Variants in SUV39H2 observed in about 807,000 individuals in gnomAD.
SUV39H2 encodes histone-lysine N-methyltransferase SUV39H2.
In SUV39H2, 10 loss-of-function variants were observed where a neutral mutation model predicts 47.5. That is an observed-to-expected ratio of 0.21 (90% CI 0.13 to 0.36). The LOEUF is 0.36. Ranked by LOEUF, SUV39H2 falls within the 10% of genes least tolerant of loss-of-function variation. The pLI is 1.00. For synonymous variants in SUV39H2, 159 were observed against 166.8 expected, an observed-to-expected ratio of 0.95 and a Z score of 0.36; for missense variants, 266 against 487.4, an observed-to-expected ratio of 0.55 and a Z score of 4.28.
chr10:14,894,768 G>A (rs1456211134), intron 2 of SUV39H2, among the ~76,000 whole-genome samples: 1 of 152,174 alleles, frequency 6.6e-6, no homozygotes, highest in Non-Finnish European at 1.5e-5. Flanking sequence ...CCACTCCTGG[G>A]TGGGCGCCTG....
intron 2 of SUV39H2, among the ~76,000 whole-genome samples, chr10:14,892,737 C>T (rs921790638): frequency 1.3e-5 from 2 of 152,092 alleles, no homozygotes; most frequent in Non-Finnish European, 2.9e-5. Flanking sequence ...CCCTAGTGAC[C>T]AAACGTTCAT....
intron 2 of SUV39H2, among the ~76,000 whole-genome samples, chr10:14,883,216 T>A (rs1833094259): frequency 6.6e-6 from 1 of 152,210 alleles, no homozygotes; most frequent in Admixed American, 6.5e-5. Context: ...TCTCTTTTTT[T>A]ACTGATATAT....
At chr10:14,883,017 G>A (rs1159119853) in intron 2 of SUV39H2, among the ~76,000 whole-genome samples, 1 of 151,950 alleles carries the variant, frequency 6.6e-6, no homozygotes, top group Non-Finnish European at 1.5e-5. Flanking sequence ...ACAGGTGCCC[G>A]CCACCATGCC....
intron 2 of SUV39H2, among the ~76,000 whole-genome samples, chr10:14,893,063 C>T (rs1306130503): frequency 2.9e-5 from 4 of 138,918 alleles, no homozygotes; most frequent in African/African-American, 5.5e-5. Context: ...AGTGCAGTGG[C>T]GCAATCTAGG....
intron 4 of SUV39H2, 151 bp downstream of exon 4, chr10:14,899,836 G>A: frequency 1.1e-6 from 1 of 940,092 alleles, no homozygotes; most frequent in Non-Finnish European, 1.5e-6. Flanking sequence ...GTTAAGTTAT[G>A]GTATTATTGC....
intron 2 of SUV39H2, among the ~76,000 whole-genome samples, chr10:14,891,784 A>G (rs182126724): frequency 2.6e-5 from 4 of 152,320 alleles, no homozygotes; most frequent in African/African-American, 9.6e-5. Flanking sequence ...ACATGTCGAT[A>G]GGTTGCTTTA....
intron 1 of SUV39H2, among the ~76,000 whole-genome samples, chr10:14,880,253 A>G (rs1316808886): frequency 2.6e-5 from 4 of 152,182 alleles, no homozygotes; most frequent in Non-Finnish European, 5.9e-5. Context: ...GCAGCCAGTG[A>G]GATGGTAGAA....
rs1476629962 is a variant in SUV39H2, at chr10:14,903,713, C to T, written c.*1201C>T. On this transcript the variant is annotated 3_prime_UTR_variant, in exon 6 of 6. Coordinates refer to ENST00000354919, the MANE Select transcript of SUV39H2 (RefSeq NM_001193424.2). Reference sequence around the variant, plus strand: ...GTATTGAATCTCAGGAAAAACTATTCTTTCATGTCTGATTCTGAGATTTCT... The same window carrying T: ...GTATTGAATCTCAGGAAAAACTATTTTTTCATGTCTGATTCTGAGATTTCT... 1.3e-5 allele frequency: 2 copies of T among 152,136 alleles called. No homozygotes were observed. The highest frequency in any genetic ancestry group is 4.8e-5 in the African/African-American group (2 of 41,450). 9.4% of individuals were successfully genotyped at this position (152,136 alleles called of 1,614,324 possible).
intron 2 of SUV39H2, among the ~76,000 whole-genome samples, chr10:14,892,999 A>ATTTTTT (rs869161891): frequency 1.6e-4 from 13 of 79,908 alleles, no homozygotes; most frequent in African/African-American, 5.9e-4. Context: ...AATTTTTTGT[A>ATTTTTT]TTTTTTTTTT....
chr10:14,902,317 A>T, intron 5 of SUV39H2, 89 bp from the exon 6 acceptor site: 1 of 843,450 alleles, frequency 1.2e-6, no homozygotes, highest in Non-Finnish European at 1.8e-6. Flanking sequence ...TCTATCACTG[A>T]TAATAAAGCT....
At chr10:14,887,847 G>A (rs1833262120) in intron 2 of SUV39H2, among the ~76,000 whole-genome samples, 1 of 152,228 alleles carries the variant, frequency 6.6e-6, no homozygotes, top group African/African-American at 2.4e-5. Context: ...ATCCTGGAGA[G>A]ACTGGGCAGG....
chr10:14,879,032 C>A, intron 1 of SUV39H2, 113 bp downstream of exon 1: 1 of 1,318,810 alleles, frequency 7.6e-7, no homozygotes, highest in South Asian at 2.2e-5. Context: ...GGTTCCCCGC[C>A]CGCCGCGACC....
chr10:14,902,580 A>AT lies in SUV39H2; in HGVS notation c.*69dup. The AT allele has an allele frequency of 1.0e-6, 1 of 992,648 alleles. No individual in the cohort carries two copies. Among genetic ancestry groups the AT allele is most frequent in the Non-Finnish European group, 1.4e-6 (1 of 693,982 alleles). 61.5% of individuals were successfully genotyped at this position (992,648 alleles called of 1,614,324 possible). A position where few individuals can be genotyped will look rare whatever the true frequency, so the allele number is the denominator to read the frequency against. Reference sequence around the variant, plus strand: ...CTAATGTTAACATTTTTAAAAATACATATTTGGGACTCTTATTATCAAGGT... The same window carrying AT: ...CTAATGTTAACATTTTTAAAAATACATTATTTGGGACTCTTATTATCAAGGT... On this transcript the variant is annotated 3_prime_UTR_variant, in exon 6 of 6. Coordinates refer to ENST00000354919, the MANE Select transcript of SUV39H2 (RefSeq NM_001193424.2).
chr10:14,892,399 A>G (rs1051507671), intron 2 of SUV39H2, among the ~76,000 whole-genome samples: 1 of 152,218 alleles, frequency 6.6e-6, no homozygotes, highest in African/African-American at 2.4e-5. Flanking sequence ...CCTTACCATG[A>G]CAAGTTTTAG....
intron 1 of SUV39H2, among the ~76,000 whole-genome samples, chr10:14,880,762 T>C (rs947183391): frequency 5.3e-5 from 8 of 152,210 alleles, no homozygotes; most frequent in Admixed American, 2.0e-4. Flanking sequence ...TTCTTTGAGT[T>C]TAGTACATGG....
In SUV39H2 at chr10:14,896,932, A is replaced by G; in HGVS notation, c.264A>G (p.Leu88=). Residue 88 remains leucine, a synonymous_variant, in exon 3 of 6, where the codon TTA becomes TTG. Coordinates refer to ENST00000354919, the MANE Select transcript of SUV39H2 (RefSeq NM_001193424.2). The part of the protein sequence containing the change: ...WEPLQNLKCP[L]LLQQFSNDKH... The stretch of plus-strand genomic sequence containing the variant: ...CTTTGCAAAATCTGAAGTGCCCGTT[A>G]CTGCTTCAGCAATTCTCTAATGACA... 1 of 1,613,984 alleles carries G rather than the reference A, an allele frequency of 6.2e-7. No homozygotes were observed.
At chr10:14,902,272 A>C in intron 5 of SUV39H2, 134 bp from the exon 6 acceptor site, 1 of 467,602 alleles carries the variant, frequency 2.1e-6, no homozygotes, top group South Asian at 5.1e-5. Flanking sequence ...CTTGGGAGTT[A>C]ACTTACTCTA....
At chr10:14,896,759 A>C (rs1197487451) in intron 2 of SUV39H2, 87 bp from the exon 3 acceptor site, 2 of 1,148,536 alleles carry the variant, frequency 1.7e-6, no homozygotes, top group Non-Finnish European at 2.4e-6. Context: ...GGTATTGGAT[A>C]CCTTACTCTT....
chr10:14,901,175 C>A lies in SUV39H2; in HGVS notation c.1039C>A (p.Leu347Ile). The change falls in exon 5 of 6, where the codon CTC becomes ATC. Residue 347 changes from leucine (L) to isoleucine (I), a missense_variant. Leu to Ile is a conservative substitution (Grantham distance 5). Transcript: ENST00000354919. ...LQVFNVFIDN[L>I]DTRLPRIALF... ...GGTGTTCAATGTTTTCATTGATAAC[C>A]TCGATACTCGTCTTCCCCGAATAGC... The A allele has an allele frequency of 6.2e-7, 1 of 1,613,934 alleles. No individual in the cohort carries two copies. Among genetic ancestry groups the A allele is most frequent in the South Asian group, 1.1e-5 (1 of 91,080 alleles).
Sources: allele counts gnomAD v4.1 joint callset (sites outside exome capture counted in the v4.1 genomes callset), GRCh38; gene constraint gnomAD v4.1.1; transcripts MANE v1.5; gene names NCBI Gene and HGNC (gene_info 2026-07-23, HGNC 2026-07-21).